The following LINGO2 variants were observed in gnomAD, a reference collection of about 807,000 sequenced individuals.
The protein encoded by LINGO2 is leucine-rich repeat and immunoglobulin-like domain-containing nogo receptor-interacting protein 2.
A neutral mutation model predicts 30.6 loss-of-function variants in LINGO2; 14 were observed. The observed-to-expected ratio is 0.46, with a 90% confidence interval of 0.30 to 0.72. The LOEUF is 0.72. LINGO2 is among the 30% of genes least tolerant of loss of function. The pLI, the probability that LINGO2 is intolerant of heterozygous loss-of-function variation, is 0.07. For missense variants in LINGO2, 729 were observed against 751.7 expected (o/e 0.97, Z 0.35); for synonymous variants, 317 against 288.5 (o/e 1.10, Z -1.00).
chr9:28,550,624 G>T (rs1210041049), intron 1 of LINGO2, among the ~76,000 whole-genome samples: 2 of 151,366 alleles, frequency 1.3e-5, no homozygotes, highest in African/African-American at 4.8e-5. Flanking sequence ...GTTTCTTCTT[G>T]GGCTTTGAAT....
chr9:29,070,487 C>A, the LINGO2 span, among the ~76,000 whole-genome samples: 1 of 152,154 alleles, frequency 6.6e-6, no homozygotes, highest in East Asian at 1.9e-4. Flanking sequence ...GAGGAAAGAA[C>A]CTGAAGTGAA....
chr9:29,082,855 G>A, the LINGO2 span, among the ~76,000 whole-genome samples: 13 of 152,312 alleles, frequency 8.5e-5, no homozygotes, highest in South Asian at 4.1e-4. Flanking sequence ...CTGGCCATCA[G>A]AGAAATGCAA....
At chr9:29,175,499 C>T in the LINGO2 span, among the ~76,000 whole-genome samples, 1 of 150,698 alleles carries the variant, frequency 6.6e-6, no homozygotes, top group African/African-American at 2.4e-5. Context: ...TCATAACCAA[C>T]TTCTTTAGAT....
chr9:28,927,853 G>A, the LINGO2 span, among the ~76,000 whole-genome samples: 1 of 152,186 alleles, frequency 6.6e-6, no homozygotes, highest in Non-Finnish European at 1.5e-5. Context: ...ATTCATTGAA[G>A]TTAAGTCATC....
At chr9:28,745,449 C>T in the LINGO2 span, among the ~76,000 whole-genome samples, 5 of 151,928 alleles carry the variant, frequency 3.3e-5, no homozygotes, top group African/African-American at 7.3e-5. Flanking sequence ...GGTTCAAATG[C>T]CAAATTCTTT....
At chr9:28,049,432 G>A (rs530002253) in intron 4 of LINGO2, among the ~76,000 whole-genome samples, 9 of 150,508 alleles carry the variant, frequency 6.0e-5, no homozygotes, top group African/African-American at 2.0e-4. Context: ...ATTTCTACGG[G>A]ATGGGTAGAG....
At chr9:28,282,318 G>A (rs879616437) in intron 4 of LINGO2, among the ~76,000 whole-genome samples, 5 of 152,022 alleles carry the variant, frequency 3.3e-5, no homozygotes, top group Admixed American at 1.3e-4. Context: ...ACAATGATAA[G>A]TAATGGTGAG....
At chr9:28,172,373 A>T (rs1828627539) in intron 4 of LINGO2, among the ~76,000 whole-genome samples, 1 of 150,486 alleles carries the variant, frequency 6.6e-6, no homozygotes, top group Non-Finnish European at 1.5e-5. Flanking sequence ...CCTGGGCGAC[A>T]GAGCGAGACT....
intron 4 of LINGO2, among the ~76,000 whole-genome samples, chr9:28,202,997 T>A (rs1564039972): frequency 6.6e-6 from 1 of 152,214 alleles, no homozygotes; most frequent in East Asian, 1.9e-4. Context: ...TCTTAGTACA[T>A]ACTTTAGTAC....
the LINGO2 span, among the ~76,000 whole-genome samples, chr9:28,847,079 A>C: frequency 1.4e-5 from 2 of 145,592 alleles, no homozygotes; most frequent in Non-Finnish European, 3.0e-5. Flanking sequence ...TACATGGCTA[A>C]AGTGAATGCT....
the LINGO2 span, among the ~76,000 whole-genome samples, chr9:28,725,662 G>A: frequency 2.0e-5 from 3 of 149,538 alleles, no homozygotes; most frequent in Non-Finnish European, 4.5e-5. Context: ...AACAAAAGAA[G>A]ATATAAAGGA....
the LINGO2 span, among the ~76,000 whole-genome samples, chr9:28,913,207 T>G: frequency 6.6e-6 from 1 of 152,072 alleles, no homozygotes; most frequent in African/African-American, 2.4e-5. Flanking sequence ...AAAATCTCTG[T>G]TATCATCATA....
chr9:28,381,352 T>G (rs1471432054), intron 2 of LINGO2, among the ~76,000 whole-genome samples: 1 of 152,120 alleles, frequency 6.6e-6, no homozygotes, highest in Admixed American at 6.6e-5. Context: ...AATTTCAGTC[T>G]CCATTGGTTG....
chr9:28,402,077 C>T (rs1822292563), intron 2 of LINGO2, among the ~76,000 whole-genome samples: 1 of 152,016 alleles, frequency 6.6e-6, no homozygotes, highest in Non-Finnish European at 1.5e-5. Context: ...ATTTAAGTGA[C>T]CAAGGCCTCA....
At chr9:28,714,198 C>T in the LINGO2 span, among the ~76,000 whole-genome samples, 6,571 of 64,076 alleles carry the variant, frequency 0.1, 345 homozygotes, top group Middle Eastern at 0.14. Flanking sequence ...TACACACATA[C>T]ACACACACAC....
the LINGO2 span, among the ~76,000 whole-genome samples, chr9:28,720,736 T>A: frequency 6.6e-6 from 1 of 152,106 alleles, no homozygotes; most frequent in Non-Finnish European, 1.5e-5. Flanking sequence ...GCTTCAATGT[T>A]AGAAGATTGG....
chr9:29,061,371 A>G, the LINGO2 span, among the ~76,000 whole-genome samples: 5 of 151,982 alleles, frequency 3.3e-5, no homozygotes, highest in Admixed American at 2.0e-4. Context: ...AAGGAACCAA[A>G]AGTAGCCAAA....
the LINGO2 span, among the ~76,000 whole-genome samples, chr9:28,813,575 G>A: frequency 6.6e-6 from 1 of 152,180 alleles, no homozygotes; most frequent in East Asian, 1.9e-4. Flanking sequence ...TAATGAACAC[G>A]AACATCTACT....
the LINGO2 span, among the ~76,000 whole-genome samples, chr9:28,942,811 G>A: frequency 2.0e-5 from 3 of 152,056 alleles, no homozygotes; most frequent in South Asian, 6.2e-4. Context: ...GGGGCTACTT[G>A]CTATCTCCCT....
Sources: gnomAD v4.1 joint callset for allele counts (sites outside exome capture counted in the v4.1 genomes callset) on GRCh38, gnomAD v4.1.1 for gene constraint, MANE v1.5 for transcripts, NCBI Gene and HGNC (gene_info 2026-07-23, HGNC 2026-07-21) for gene names.